Variants in WWP2 observed in about 807,000 individuals in gnomAD.
WWP2 encodes NEDD4-like E3 ubiquitin-protein ligase WWP2.
WWP2 carries 57 observed loss-of-function variants against 121.0 expected under a neutral mutation model. The observed-to-expected ratio is 0.47, with a 90% CI of 0.38 to 0.59. WWP2 has a LOEUF of 0.59. Among genes scored for constraint, WWP2 ranks in the 20% least tolerant of loss-of-function variants. WWP2 has a pLI of 0.00. For missense variants in WWP2, 962 were observed against 1,158.9 expected, an observed-to-expected ratio of 0.83 and a Z score of 2.47; for synonymous variants, 449 against 441.3, an observed-to-expected ratio of 1.02 and a Z score of -0.22.
intron 6 of WWP2, among the ~76,000 whole-genome samples, chr16:69,857,001 T>G (rs934912568): frequency 1.3e-5 from 2 of 152,194 alleles, no homozygotes; most frequent in Non-Finnish European, 2.9e-5. Flanking sequence ...TCACAGTTCA[T>G]TTATGTTTCT....
chr16:69,812,995 G>T (rs577422921), intron 4 of WWP2, among the ~76,000 whole-genome samples: 1 of 152,218 alleles, frequency 6.6e-6, no homozygotes, highest in Admixed American at 6.6e-5. Context: ...GATGCCTATA[G>T]ATTTTTATTT....
intron 1 of WWP2, among the ~76,000 whole-genome samples, chr16:69,766,956 G>C (rs1435518576): frequency 6.6e-6 from 1 of 151,358 alleles, no homozygotes; most frequent in Non-Finnish European, 1.5e-5. Flanking sequence ...GTTTCACCAG[G>C]TTGGTCAGGC....
chr16:69,838,485 C>T (rs1343428116), intron 4 of WWP2, among the ~76,000 whole-genome samples: 2 of 150,382 alleles, frequency 1.3e-5, no homozygotes, highest in South Asian at 2.1e-4. Flanking sequence ...TCAACACTTA[C>T]GATTGCATAG....
intron 6 of WWP2, among the ~76,000 whole-genome samples, chr16:69,851,259 C>CTG (rs2057207333): frequency 6.6e-6 from 1 of 151,706 alleles, no homozygotes; most frequent in Non-Finnish European, 1.5e-5. Flanking sequence ...CTCAAGTGAT[C>CTG]CACGTGCCTT....
chr16:69,845,821 G>A (rs1402663573), intron 6 of WWP2, among the ~76,000 whole-genome samples: 2 of 151,632 alleles, frequency 1.3e-5, no homozygotes, highest in South Asian at 2.1e-4. Context: ...AGGCTGAGGC[G>A]GGCAGATCAC....
chr16:69,890,485 A>G (rs1261471772), intron 8 of WWP2, among the ~76,000 whole-genome samples: 3 of 152,180 alleles, frequency 2.0e-5, no homozygotes, highest in African/African-American at 7.2e-5. Context: ...GTATGTGGTA[A>G]GGAATACTCG....
At chr16:69,825,912 C>A (rs371255105) in intron 4 of WWP2, among the ~76,000 whole-genome samples, 2 of 152,086 alleles carry the variant, frequency 1.3e-5, no homozygotes, top group African/African-American at 4.8e-5. Flanking sequence ...ACGTGAGCCA[C>A]CACACCCTGC....
chr16:69,904,057 C>T (rs1260826287), intron 8 of WWP2, among the ~76,000 whole-genome samples: 1 of 152,250 alleles, frequency 6.6e-6, no homozygotes, highest in Non-Finnish European at 1.5e-5. Flanking sequence ...GAGAGGCTTG[C>T]TGCCATTGGC....
intron 19 of WWP2, chr16:69,936,858 T>C (rs994740437): frequency 6.0e-6 from 3 of 497,996 alleles, no homozygotes; most frequent in Non-Finnish European, 1.1e-5. Flanking sequence ...CACGCTTCCA[T>C]ACGTCTGAGG....
chr16:69,903,703 G>A (rs967128986), intron 8 of WWP2, among the ~76,000 whole-genome samples: 9 of 151,558 alleles, frequency 5.9e-5, no homozygotes, highest in African/African-American at 2.2e-4. Context: ...AGGAGGTGGA[G>A]GTTGCAGTGA....
At position 69,798,846 on chromosome 16, in the gene WWP2, T is replaced by A; in HGVS notation, c.218+17T>A. ...CATCATTTTGTAAGAGAAAGCCCCT[T>A]CTTTTTGAACGCAGCAAGATGGGGA... is the stretch of plus-strand genomic sequence containing the variant. On this transcript the variant is annotated intron_variant, in intron 3 of 23. Transcript: ENST00000359154. 1 of 1,612,502 alleles carries A rather than the reference T, an allele frequency of 6.2e-7. No individual in the cohort carries two copies. The highest frequency in any genetic ancestry group is 8.5e-7 in the Non-Finnish European group (1 of 1,179,468).
In WWP2 at chr16:69,910,862, T is replaced by C. The variant is rs144946190; in HGVS notation, c.1004+2012T>C. 6.6e-4 allele frequency among the ~76,000 whole-genome samples: 101 copies of C among 152,302 alleles called. 2 individuals carry two copies. Among genetic ancestry groups the C allele is most frequent in the African/African-American group, 1.9e-3 (80 of 41,570 alleles). On this transcript the variant is annotated intron_variant, in intron 9 of 23. Transcript: ENST00000359154. ...TCTAGGTGTTGAGGTGGGACACTACTAATCAAGCTGTCTTATTTCAGGGTA... is the reference window on the plus strand; with the variant it reads ...TCTAGGTGTTGAGGTGGGACACTACCAATCAAGCTGTCTTATTTCAGGGTA...
chr16:69,876,908 A>G (rs1421137176), intron 7 of WWP2, among the ~76,000 whole-genome samples: 1 of 152,180 alleles, frequency 6.6e-6, no homozygotes, highest in Non-Finnish European at 1.5e-5. Context: ...TGCTGCAGAC[A>G]GATGTGCTGT....
chr16:69,845,334 G>A (rs543100423), intron 6 of WWP2, among the ~76,000 whole-genome samples: 4 of 152,070 alleles, frequency 2.6e-5, no homozygotes, highest in East Asian at 1.9e-4. Flanking sequence ...AGGCATTACC[G>A]GTGCGTTTAC....
intron 8 of WWP2, among the ~76,000 whole-genome samples, chr16:69,896,949 A>G (rs2058114050): frequency 6.6e-6 from 1 of 152,202 alleles, no homozygotes; most frequent in African/African-American, 2.4e-5. Context: ...AAAGTTGATA[A>G]TCTTCCAGTA....
intron 6 of WWP2, among the ~76,000 whole-genome samples, chr16:69,854,740 G>A (rs1173009049): frequency 3.9e-5 from 6 of 152,072 alleles, no homozygotes; most frequent in African/African-American, 7.2e-5. Flanking sequence ...TAGTAGAGGC[G>A]AGGTTTCGCC....
At chr16:69,936,929 C>T in intron 19 of WWP2, 189 bp from the exon 20 acceptor site, 1 of 685,174 alleles carries the variant, frequency 1.5e-6, no homozygotes, top group East Asian at 2.9e-5. Flanking sequence ...TTCAAAGACT[C>T]CGGTGTCTGC....
In WWP2 at chr16:69,888,202, A is replaced by G; in HGVS notation, c.867A>G (p.Thr289=). ...AEGEEPSTSG[T]QQLPAAAQAP... ...GAGAGGAACCCAGCACTTCGGGTACACAGCAGCTCCCAGCGGCTGCCCAGG... is the reference window on the plus strand; with the variant it reads ...GAGAGGAACCCAGCACTTCGGGTACGCAGCAGCTCCCAGCGGCTGCCCAGG... Residue 289 remains threonine, a synonymous_variant, in exon 8 of 24, where the codon ACA becomes ACG. Transcript: ENST00000359154. The G allele has an allele frequency of 6.2e-7, 1 of 1,614,140 alleles. No homozygotes were observed. The highest frequency in any genetic ancestry group is 1.1e-5 in the South Asian group (1 of 91,078).
intron 8 of WWP2, among the ~76,000 whole-genome samples, chr16:69,903,252 G>A (rs910958443): frequency 1.3e-5 from 2 of 152,190 alleles, no homozygotes; most frequent in East Asian, 3.8e-4. Context: ...GAATATAAGG[G>A]AAGAGGACTC....
Sources: allele counts gnomAD v4.1 joint callset (sites outside exome capture counted in the v4.1 genomes callset), GRCh38; gene constraint gnomAD v4.1.1; transcripts MANE v1.5; gene names NCBI Gene and HGNC (gene_info 2026-07-23, HGNC 2026-07-21).